SCFD2: variants seen among roughly 807,000 people sequenced by gnomAD.
SCFD2 encodes sec1 family domain-containing protein 2.
In SCFD2, 54 loss-of-function variants were observed where a neutral mutation model predicts 58.9. That is an observed-to-expected ratio of 0.92 (90% CI 0.74 to 1.15). The LOEUF is 1.15. Among genes scored for constraint, SCFD2 ranks in the 50% most tolerant of loss-of-function variants. The pLI, the probability that SCFD2 is intolerant of heterozygous loss-of-function variation, is 0.00. For synonymous variants in SCFD2, 321 were observed against 335.9 expected (o/e 0.96, Z 0.49); for missense variants, 805 against 836.6 (o/e 0.96, Z 0.47).
chr4:53,115,762 A>T (rs1725300804), intron 5 of SCFD2, among the ~76,000 whole-genome samples: 1 of 152,176 alleles, frequency 6.6e-6, no homozygotes, highest in Non-Finnish European at 1.5e-5. Flanking sequence ...TATGGCAATA[A>T]AGAAGACCAT....
chr4:53,012,829 TGTGTGTG>T (rs1237461975), intron 5 of SCFD2, among the ~76,000 whole-genome samples: 1 of 103,634 alleles, frequency 9.6e-6, no homozygotes, highest in Non-Finnish European at 2.0e-5. Context: ...TGTGTGTGTG[TGTGTGTG>T]TTTTTTTTTA....
intron 4 of SCFD2, among the ~76,000 whole-genome samples, chr4:53,232,219 C>T (rs549476593): frequency 2.0e-5 from 3 of 152,216 alleles, no homozygotes; most frequent in East Asian, 1.9e-4. Flanking sequence ...AAACAGTTCA[C>T]TTACAAAAAG....
At chr4:52,932,977 C>A (rs1720035633) in intron 5 of SCFD2, among the ~76,000 whole-genome samples, 1 of 152,158 alleles carries the variant, frequency 6.6e-6, no homozygotes, top group Non-Finnish European at 1.5e-5. Flanking sequence ...GAGAGGGTTG[C>A]CAGTGGGCCG....
At chr4:53,023,522 C>A (rs1290544927) in intron 5 of SCFD2, among the ~76,000 whole-genome samples, 1 of 152,138 alleles carries the variant, frequency 6.6e-6, no homozygotes, top group African/African-American at 2.4e-5. Flanking sequence ...CCTCTCCTCA[C>A]AATCCCAAAT....
At chr4:53,261,336 G>A (rs367717429) in intron 4 of SCFD2, among the ~76,000 whole-genome samples, 3 of 151,886 alleles carry the variant, frequency 2.0e-5, no homozygotes, top group Admixed American at 6.6e-5. Context: ...TTATCTATTC[G>A]TGCTCTTTCA....
rs188639494 is a variant in SCFD2 at position 53,258,402 on chromosome 4, G to C, written c.1311+15424C>G. ...TTCATAGCCTAGTTCCCACTTTCGA[G>C]TGAGAACATAAGATGTTTGGTTTTC... On this transcript the variant is annotated intron_variant, in intron 4 of 8. Coordinates refer to ENST00000401642, the MANE Select transcript of SCFD2 (RefSeq NM_152540.4). Among the ~76,000 whole-genome samples the C allele has an allele frequency of 2.6e-3, 396 of 151,818 alleles. 1 individual carries two copies. Among genetic ancestry groups the C allele is most frequent in the Non-Finnish European group, 2.3e-3 (153 of 67,946 alleles).
At chr4:53,351,108 A>T (rs1330167990) in intron 2 of SCFD2, among the ~76,000 whole-genome samples, 3 of 152,194 alleles carry the variant, frequency 2.0e-5, no homozygotes, top group Non-Finnish European at 2.9e-5. Context: ...AAAATAGGGG[A>T]ATAACAACAT....
At chr4:53,017,552 T>C (rs1223976465) in intron 5 of SCFD2, among the ~76,000 whole-genome samples, 1 of 152,192 alleles carries the variant, frequency 6.6e-6, no homozygotes, top group Non-Finnish European at 1.5e-5. Context: ...TCCATCTAGA[T>C]TCCCTGAGAA....
intron 5 of SCFD2, among the ~76,000 whole-genome samples, chr4:52,929,595 A>C (rs1719942651): frequency 6.6e-6 from 1 of 152,194 alleles, no homozygotes; most frequent in Non-Finnish European, 1.5e-5. Flanking sequence ...TGAAGGAAGG[A>C]AAACCATCAG....
chr4:53,284,391 T>C (rs1382963259), intron 3 of SCFD2, among the ~76,000 whole-genome samples: 3 of 152,176 alleles, frequency 2.0e-5, no homozygotes, highest in African/African-American at 7.2e-5. Flanking sequence ...AAAGGTTACT[T>C]TGAAGAACAG....
intron 5 of SCFD2, among the ~76,000 whole-genome samples, chr4:53,077,956 G>C (rs184122569): frequency 6.6e-6 from 1 of 152,112 alleles, no homozygotes; most frequent in Non-Finnish European, 1.5e-5. Context: ...TTCTACGTGA[G>C]AGCTTGGTGT....
chr4:53,012,243 G>A (rs1013332341), intron 5 of SCFD2, among the ~76,000 whole-genome samples: 16 of 152,166 alleles, frequency 1.1e-4, no homozygotes, highest in Admixed American at 3.9e-4. Flanking sequence ...CCGTGAAATC[G>A]AACAACTGCA....
chr4:52,898,477 T>C (rs1156680944), intron 7 of SCFD2, among the ~76,000 whole-genome samples: 1 of 152,240 alleles, frequency 6.6e-6, no homozygotes, highest in Non-Finnish European at 1.5e-5. Flanking sequence ...GTGAGTTTCT[T>C]AATCCTGAGT....
intron 6 of SCFD2, among the ~76,000 whole-genome samples, chr4:52,909,940 C>T (rs934085567): frequency 4.6e-5 from 7 of 152,230 alleles, no homozygotes; most frequent in Non-Finnish European, 8.8e-5. Context: ...GAATGCTCTT[C>T]TATCACCTTA....
At chr4:52,972,845 A>T (rs1721141552) in intron 5 of SCFD2, among the ~76,000 whole-genome samples, 1 of 152,222 alleles carries the variant, frequency 6.6e-6, no homozygotes, top group Admixed American at 6.5e-5. Flanking sequence ...ATCAAACTAG[A>T]ACTCAGGATT....
intron 8 of SCFD2, among the ~76,000 whole-genome samples, chr4:52,874,892 A>G (rs1718435448): frequency 6.6e-6 from 1 of 152,226 alleles, no homozygotes; most frequent in South Asian, 2.1e-4. Context: ...TTTAAAGGGG[A>G]CACATTTCAA....
chr4:53,045,388 C>A (rs781009406), intron 5 of SCFD2, among the ~76,000 whole-genome samples: 1 of 151,936 alleles, frequency 6.6e-6, no homozygotes, highest in East Asian at 1.9e-4. Flanking sequence ...TGTTTTATTG[C>A]CTGCTGGGTT....
chr4:53,296,225 T>G (rs1434381945), intron 3 of SCFD2, among the ~76,000 whole-genome samples: 1 of 152,186 alleles, frequency 6.6e-6, no homozygotes, highest in Non-Finnish European at 1.5e-5. Flanking sequence ...CCAGCTCCTC[T>G]TTGTAACTGT....
chr4:53,214,155 C>A (rs899880189), intron 4 of SCFD2, among the ~76,000 whole-genome samples: 3 of 152,136 alleles, frequency 2.0e-5, no homozygotes, highest in African/African-American at 7.3e-5. Flanking sequence ...ATATATACTC[C>A]TTTGGGTATA....
Sources: allele counts gnomAD v4.1 joint callset (sites outside exome capture counted in the v4.1 genomes callset), GRCh38; gene constraint gnomAD v4.1.1; transcripts MANE v1.5; gene names NCBI Gene and HGNC (gene_info 2026-07-23, HGNC 2026-07-21).